Variants in DNAH2 observed in about 807,000 individuals in gnomAD.
DNAH2 encodes dynein axonemal heavy chain 2, also known as axonemal beta dynein heavy chain 2.
DNAH2 carries 323 observed loss-of-function variants against 523.5 expected under a neutral mutation model. The observed-to-expected ratio is 0.62, with a 90% CI of 0.56 to 0.68. The LOEUF (loss-of-function observed/expected upper bound fraction) is 0.68. DNAH2 is among the 30% of genes least tolerant of loss of function. The probability of loss-of-function intolerance (pLI) is 0.00; values close to 1 mark genes in which losing one functional copy is unlikely to be tolerated. For synonymous variants in DNAH2, 2,093 were observed against 2,177.4 expected (o/e 0.96, Z 1.08); for missense variants, 4,907 against 5,701.5 (o/e 0.86, Z 4.49).
At chr17:7,772,946 A>AT (rs2076357935) in intron 28 of DNAH2, among the ~76,000 whole-genome samples, 1 of 151,656 alleles carries the variant, frequency 6.6e-6, no homozygotes, top group African/African-American at 2.4e-5. Context: ...CTAAGTTTGT[A>AT]TTTTTTTAGT....
chr17:7,830,026 C>G (rs1159630272), intron 77 of DNAH2, among the ~76,000 whole-genome samples: 1 of 55,250 alleles, frequency 1.8e-5, no homozygotes, highest in African/African-American at 6.2e-5. Context: ...AACTCCGTCT[C>G]AAAAAAAAAA....
At chr17:7,811,131 G>A (rs1208387117) in intron 63 of DNAH2, among the ~76,000 whole-genome samples, 5 of 152,020 alleles carry the variant, frequency 3.3e-5, no homozygotes, top group Admixed American at 6.6e-5. Flanking sequence ...ATATCCCTAA[G>A]GTTGAACATT....
At chr17:7,823,780 C>T in intron 74 of DNAH2, 54 bp from the exon 75 acceptor site, 1 of 1,596,332 alleles carries the variant, frequency 6.3e-7, no homozygotes, top group Non-Finnish European at 8.6e-7. Context: ...TGTCTGGATT[C>T]CCCGCTCTTC....
rs200008933 is a variant in DNAH2, at chr17:7,807,342, G to A, written c.9612+23G>A. The A allele has an allele frequency of 7.5e-6, 12 of 1,606,544 alleles. No homozygotes were observed. The highest frequency in any genetic ancestry group is 1.1e-5 in the South Asian group (1 of 90,706). Reference sequence around the variant, plus strand: ...GAGGTAAAGGCGTCAGGGCTGGGGCGGGGCGGTAGGGAGGGCAGGCCTGGG... The same window carrying A: ...GAGGTAAAGGCGTCAGGGCTGGGGCAGGGCGGTAGGGAGGGCAGGCCTGGG... On this transcript the variant is annotated intron_variant, in intron 62 of 85. Transcript: ENST00000572933. This position sits in a 1 kb window ranked among gnomAD's most constrained non-coding sequence, Gnocchi z 5.6.
At chr17:7,753,449 A>G (rs1473296851) in intron 12 of DNAH2, among the ~76,000 whole-genome samples, 3 of 151,978 alleles carry the variant, frequency 2.0e-5, no homozygotes, top group Non-Finnish European at 4.4e-5. Flanking sequence ...GATGTGAAGA[A>G]CCTCGGGGAG....
Position 7,804,312 on chromosome 17 carries a change from G to T in DNAH2, c.9029G>T (p.Gly3010Val). 6.2e-7 allele frequency: 1 copy of T among 1,614,202 alleles called. No individual in the cohort carries two copies. ...GCCCAAGCCAATAAACTGCGGACAG[G>T]CTTGTTCAAGATCGACGAAACTAGG... is the stretch of plus-strand genomic sequence containing the variant. Reference protein sequence around the residue: ...LLAQANKLRTGLFKIDETREK... With the variant: ...LLAQANKLRTVLFKIDETREK... Residue 3010 changes from glycine to valine, a missense_variant, in exon 59 of 86, where the codon GGC becomes GTC. By Grantham distance (109) the Gly-to-Val change is moderately radical (BLOSUM62 -3). This residue lies in a region of DNAH2 where 1,851 missense variants were observed against 2,139.4 expected (regional missense o/e 0.87). Transcript: ENST00000572933.
rs1327562097 is a variant in DNAH2 at position 7,798,619 on chromosome 17, G to T, written c.8460G>T (p.Val2820=). ...TCAAGACCACGTCCTTCATTTTTGTGGACACCCAAATAGCTGATGAGTCCT... is the reference window on the plus strand; with the variant it reads ...TCAAGACCACGTCCTTCATTTTTGTTGACACCCAAATAGCTGATGAGTCCT... ...VELKTTSFIF[V]DTQIADESFL... Residue 2820 remains valine, a synonymous_variant, in exon 55 of 86, where the codon GTG becomes GTT. Coordinates refer to ENST00000572933, the MANE Select transcript of DNAH2 (RefSeq NM_020877.5). This position sits in a 1 kb window ranked among gnomAD's most constrained non-coding sequence, Gnocchi z 5.5. 3 of 1,614,102 alleles carry T rather than the reference G, an allele frequency of 1.9e-6. No individual in the cohort carries two copies. The South Asian group carries it at 3.3e-5, about 18-fold the overall frequency.
At chr17:7,797,942 C>T in intron 53 of DNAH2, 113 bp downstream of exon 53, 1 of 1,461,534 alleles carries the variant, frequency 6.8e-7, no homozygotes. Flanking sequence ...AGCTGCCTTT[C>T]TCCCTGGCCC....
chr17:7,762,669 A>G (rs1015844449), intron 18 of DNAH2, among the ~76,000 whole-genome samples: 1 of 152,042 alleles, frequency 6.6e-6, no homozygotes, highest in African/African-American at 2.4e-5. Context: ...AGAGATGGGC[A>G]GTGGGGAAGG....
intron 8 of DNAH2, among the ~76,000 whole-genome samples, chr17:7,738,382 T>G (rs973314008): frequency 1.3e-5 from 2 of 152,098 alleles, no homozygotes. Context: ...CAGGCTGGAG[T>G]GCAGTGGCGC....
chr17:7,796,435 CT>C, intron 49 of DNAH2, 28 bp from the exon 50 acceptor site: 1 of 1,612,078 alleles, frequency 6.2e-7, no homozygotes, highest in Non-Finnish European at 8.5e-7. Flanking sequence ...GCCAGCAGCC[CT>C]GGAGAGTGAG....
At chr17:7,799,344 G>C (rs1249436461) in intron 56 of DNAH2, 102 bp downstream of exon 56, 6 of 1,490,254 alleles carry the variant, frequency 4.0e-6, no homozygotes, top group Non-Finnish European at 5.5e-6. Flanking sequence ...ATAACAGCAG[G>C]CTCCTCTGCC....
At position 7,807,691 on chromosome 17, in the gene DNAH2, T is replaced by G; in HGVS notation, c.9729+105T>G. 3 of 986,424 alleles carry G rather than the reference T, an allele frequency of 3.0e-6. No homozygotes were observed. Among genetic ancestry groups the G allele is most frequent in the South Asian group, 1.5e-5 (1 of 66,954 alleles). 61.1% of individuals were successfully genotyped at this position (986,424 alleles called of 1,614,324 possible). A position where few individuals can be genotyped will look rare whatever the true frequency, so the allele number is the denominator to read the frequency against. On this transcript the variant is annotated intron_variant, in intron 63 of 85. Coordinates refer to ENST00000572933, the MANE Select transcript of DNAH2 (RefSeq NM_020877.5). The surrounding 1 kb of genome is among the most constrained non-coding windows in gnomAD (Gnocchi z 5.6). The stretch of plus-strand genomic sequence containing the variant: ...CATCTAATTCTAGCCCCCTTCCCCA[T>G]GTCCTGTGCCATTCCAGTCCTGTCT...
In DNAH2 at chr17:7,786,686, A is replaced by C; in HGVS notation, c.6465A>C (p.Ala2155=). The change falls in exon 41 of 86, where the codon GCA becomes GCC. Residue 2155 remains alanine, a splice_region_variant and synonymous_variant. Transcript: ENST00000572933. The surrounding 1 kb of genome is among the most constrained non-coding windows in gnomAD (Gnocchi z 7.5). ...ILSSVMRTAC[A]DEKPDEKWIL... ...CCAGTGTCATGCGGACGGCATGTGC[A>C]GGTATCCAGAGGATCGTGGGGTGTG... is the stretch of plus-strand genomic sequence containing the variant. The C allele has an allele frequency of 6.2e-7, 1 of 1,613,804 alleles. No homozygotes were observed. Among genetic ancestry groups the C allele is most frequent in the Non-Finnish European group, 8.5e-7 (1 of 1,179,922 alleles).
At chr17:7,809,702 A>G (rs1387484886) in intron 63 of DNAH2, among the ~76,000 whole-genome samples, 1 of 152,152 alleles carries the variant, frequency 6.6e-6, no homozygotes, top group Non-Finnish European at 1.5e-5. Context: ...TTTATAGTGC[A>G]CCCAGTGTTA....
chr17:7,758,926 C>G lies in DNAH2; in HGVS notation c.2250C>G (p.Thr750=). The G allele has an allele frequency of 6.2e-7, 1 of 1,614,174 alleles. No individual in the cohort carries two copies. The highest frequency in any genetic ancestry group is 8.5e-7 in the Non-Finnish European group (1 of 1,180,022). ...IVNEFKASTL[T]IGWRAQEMSE... The stretch of plus-strand genomic sequence containing the variant: ...ATGAGTTCAAGGCATCCACTCTGAC[C>G]ATTGGCTGGCGAGCCCAAGAGATGT... The change falls in exon 15 of 86, where the codon ACC becomes ACG. Residue 750 remains threonine, a synonymous_variant. Transcript: ENST00000572933.
At position 7,818,096 on chromosome 17, in the gene DNAH2, G is replaced by A. The variant is rs2077735001; in HGVS notation, c.10387G>A (p.Gly3463Ser). The change falls in exon 68 of 86, where the codon GGT becomes AGT. Residue 3463 changes from glycine to serine, a missense_variant and splice_region_variant. Transcript: ENST00000572933. Reference sequence around the variant, plus strand: ...GCTCAACAAATCTGTAGCCCGAATCGGTCAGGACAAGTCCCCAAGACCAGC... The same window carrying A: ...GCTCAACAAATCTGTAGCCCGAATCAGTCAGGACAAGTCCCCAAGACCAGC... ...PMLNKSVARI[G>S]GRLLMRIGDK... 9.3e-6 allele frequency: 15 copies of A among 1,610,450 alleles called. No homozygotes were observed. Among genetic ancestry groups the A allele is most frequent in the East Asian group, 2.2e-5 (1 of 44,890 alleles).
In DNAH2 at chr17:7,792,082, C is replaced by T. The variant is rs1254059285; in HGVS notation, c.7053+13C>T. On this transcript the variant is annotated intron_variant, in intron 45 of 85. Coordinates refer to ENST00000572933, the MANE Select transcript of DNAH2 (RefSeq NM_020877.5). Reference sequence around the variant, plus strand: ...CTTTCCCAATAAGGTTGGGCGCACACCTGGCTGTCCTATTTGCCCTGTTTT... The same window carrying T: ...CTTTCCCAATAAGGTTGGGCGCACATCTGGCTGTCCTATTTGCCCTGTTTT... 1.9e-6 allele frequency: 3 copies of T among 1,612,240 alleles called. No individual in the cohort carries two copies. The highest frequency in any genetic ancestry group is 2.5e-6 in the Non-Finnish European group (3 of 1,179,430).
intron 77 of DNAH2, 54 bp from the exon 78 acceptor site, chr17:7,830,246 G>A: frequency 1.3e-6 from 2 of 1,538,118 alleles, no homozygotes; most frequent in Non-Finnish European, 1.8e-6. Context: ...CAGTGCTAGT[G>A]GCAGGTCTGA....
Sources: allele counts gnomAD v4.1 joint callset (sites outside exome capture counted in the v4.1 genomes callset), GRCh38; gene constraint gnomAD v4.1.1; regional missense constraint gnomAD v4.1.1; non-coding constraint Gnocchi (gnomAD v3.1); transcripts MANE v1.5; gene names NCBI Gene and HGNC (gene_info 2026-07-23, HGNC 2026-07-21).